The following GRIA1 variants were observed in gnomAD, a reference collection of about 807,000 sequenced individuals.
The protein encoded by GRIA1 is glutamate ionotropic receptor AMPA type subunit 1, also known as glutamate receptor 1.
Under a neutral mutation model 99.2 loss-of-function variants are expected in GRIA1, and 31 were observed. That is an observed-to-expected ratio of 0.31 (90% CI 0.23 to 0.42). GRIA1 has a LOEUF of 0.42. Ranked by LOEUF, GRIA1 falls within the 10% of genes least tolerant of loss-of-function variation. GRIA1 has a pLI of 1.00. For missense variants in GRIA1, 782 were observed against 1,157.5 expected (o/e 0.68, Z 4.71); for synonymous variants, 438 against 432.4 (o/e 1.01, Z -0.16).
intron 8 of GRIA1, among the ~76,000 whole-genome samples, chr5:153,696,997 A>G (rs1169979755): frequency 1.3e-5 from 2 of 152,170 alleles, no homozygotes; most frequent in East Asian, 3.9e-4. Context: ...ATACCCAGAT[A>G]CCTACTGCCC....
intron 2 of GRIA1, among the ~76,000 whole-genome samples, chr5:153,612,373 T>C (rs1288420017): frequency 2.0e-5 from 3 of 152,252 alleles, no homozygotes; most frequent in African/African-American, 7.2e-5. Context: ...TCATGTCACA[T>C]ATAAGAAAAT....
intron 7 of GRIA1, among the ~76,000 whole-genome samples, chr5:153,679,950 T>C (rs1756856753): frequency 6.6e-6 from 1 of 152,246 alleles, no homozygotes; most frequent in Non-Finnish European, 1.5e-5. Context: ...TTTACACATA[T>C]TATATCATTG....
intron 2 of GRIA1, among the ~76,000 whole-genome samples, chr5:153,611,965 T>C (rs1289570113): frequency 6.6e-6 from 1 of 152,246 alleles, no homozygotes; most frequent in Non-Finnish European, 1.5e-5. Context: ...ACTCTGTTTT[T>C]TAATTTATCG....
rs912746047 is a variant in GRIA1, at chr5:153,812,875, C to G, written c.*1650C>G. The stretch of plus-strand genomic sequence containing the variant: ...TTCAGTGCGTGCCATGTGTCATTAG[C>G]TTTTACTGATAACCATATTCTGGCT... On this transcript the variant is annotated 3_prime_UTR_variant, in exon 16 of 16. Transcript: ENST00000285900. 1 of 152,224 alleles carries G rather than the reference C, an allele frequency of 6.6e-6. No homozygotes were observed. The highest frequency in any genetic ancestry group is 1.5e-5 in the Non-Finnish European group (1 of 68,056). 9.4% of individuals were successfully genotyped at this position (152,224 alleles called of 1,614,324 possible). A position where few individuals can be genotyped will look rare whatever the true frequency, so the allele number is the denominator to read the frequency against.
chr5:153,552,311 G>A (rs1481472094), intron 2 of GRIA1, among the ~76,000 whole-genome samples: 1 of 151,982 alleles, frequency 6.6e-6, no homozygotes, highest in East Asian at 1.9e-4. Flanking sequence ...ACAGCCGAAT[G>A]CTGGCCACGT....
chr5:153,734,517 A>G (rs781672402), intron 11 of GRIA1, among the ~76,000 whole-genome samples: 1 of 152,190 alleles, frequency 6.6e-6, no homozygotes, highest in Non-Finnish European at 1.5e-5. Context: ...AGTTCACCAT[A>G]TAGTTATGTA....
intron 11 of GRIA1, among the ~76,000 whole-genome samples, chr5:153,726,091 CA>C (rs1392092325): frequency 6.6e-6 from 1 of 152,080 alleles, no homozygotes; most frequent in Non-Finnish European, 1.5e-5. Context: ...GAAACTCACT[CA>C]AAACCACTCA....
chr5:153,772,994 C>CTGG (rs1303458291), intron 13 of GRIA1, among the ~76,000 whole-genome samples: 29 of 152,244 alleles, frequency 1.9e-4, no homozygotes, highest in African/African-American at 7.0e-4. Context: ...AACAAGGTAA[C>CTGG]AACTCAGGAA....
At chr5:153,738,818 G>T (rs1038906902) in intron 11 of GRIA1, among the ~76,000 whole-genome samples, 10 of 146,880 alleles carry the variant, frequency 6.8e-5, no homozygotes, top group African/African-American at 2.5e-4. Context: ...CGCCTCCCAG[G>T]TTCAAGTGAT....
At chr5:153,614,154 C>T (rs530328134) in intron 2 of GRIA1, among the ~76,000 whole-genome samples, 1 of 152,302 alleles carries the variant, frequency 6.6e-6, no homozygotes, top group South Asian at 2.1e-4. Flanking sequence ...CCATACCACC[C>T]TCTCCTGACT....
intron 11 of GRIA1, among the ~76,000 whole-genome samples, chr5:153,750,578 C>T (rs1762444164): frequency 6.6e-6 from 1 of 152,094 alleles, no homozygotes; most frequent in Admixed American, 6.5e-5. Flanking sequence ...TTTCCACTCC[C>T]TACACAGGCC....
intron 2 of GRIA1, among the ~76,000 whole-genome samples, chr5:153,547,126 C>T (rs2113521790): frequency 6.6e-6 from 1 of 152,284 alleles, no homozygotes; most frequent in East Asian, 1.9e-4. Flanking sequence ...GAATGAGGCC[C>T]AATACAAATT....
intron 2 of GRIA1, among the ~76,000 whole-genome samples, chr5:153,581,622 C>A (rs72802637): frequency 0.1 from 15,258 of 152,170 alleles, 898 homozygotes; most frequent in South Asian, 0.25. Context: ...ACTTCGCTGA[C>A]CTTCCCCTTT....
At chr5:153,737,253 T>C (rs1761442513) in intron 11 of GRIA1, among the ~76,000 whole-genome samples, 1 of 130,758 alleles carries the variant, frequency 7.6e-6, no homozygotes. Flanking sequence ...CAATTAAGGA[T>C]ACTCCATTTT....
chr5:153,771,297 A>G (rs978214410), intron 13 of GRIA1, among the ~76,000 whole-genome samples: 6 of 152,200 alleles, frequency 3.9e-5, no homozygotes, highest in African/African-American at 1.2e-4. Context: ...GGATTAAATC[A>G]TTTGGGGGAA....
chr5:153,615,663 T>TA (rs1766427861), intron 2 of GRIA1, among the ~76,000 whole-genome samples: 1 of 152,042 alleles, frequency 6.6e-6, no homozygotes, highest in Non-Finnish European at 1.5e-5. Flanking sequence ...GTTGATAAAA[T>TA]AAAAAATAAA....
At chr5:153,760,459 A>C (rs1026666206) in intron 11 of GRIA1, among the ~76,000 whole-genome samples, 12 of 152,104 alleles carry the variant, frequency 7.9e-5, no homozygotes, top group Admixed American at 7.2e-4. Flanking sequence ...TCTAGGAGTA[A>C]ATTTAACCAA....
At chr5:153,602,831 G>GT (rs1482495432) in intron 2 of GRIA1, among the ~76,000 whole-genome samples, 1 of 152,004 alleles carries the variant, frequency 6.6e-6, no homozygotes, top group African/African-American at 2.4e-5. Flanking sequence ...AACATCCACT[G>GT]TTTGGCCAGT....
chr5:153,685,964 T>A (rs1001016958), intron 7 of GRIA1, among the ~76,000 whole-genome samples: 1 of 152,170 alleles, frequency 6.6e-6, no homozygotes, highest in African/African-American at 2.4e-5. Flanking sequence ...TTCACATTAG[T>A]ATGCACTCTG....
Sources: gnomAD v4.1 joint callset for allele counts (sites outside exome capture counted in the v4.1 genomes callset) on GRCh38, gnomAD v4.1.1 for gene constraint, MANE v1.5 for transcripts, NCBI Gene and HGNC (gene_info 2026-07-23, HGNC 2026-07-21) for gene names.